Variants in DNAAF9 observed in about 807,000 individuals in gnomAD.
The protein encoded by DNAAF9 is dynein axonemal assembly factor 9.
In DNAAF9, 90 loss-of-function variants were observed where a neutral mutation model predicts 167.0. The ratio of observed to expected loss-of-function variants is 0.54; its 90% CI spans 0.45 to 0.64. The LOEUF (loss-of-function observed/expected upper bound fraction) is 0.64, where lower values mean the gene tolerates loss of function less well. DNAAF9 is among the 30% of genes least tolerant of loss of function. The probability of loss-of-function intolerance (pLI) is 0.00; values close to 1 mark genes in which losing one functional copy is unlikely to be tolerated. For missense variants in DNAAF9, 1,315 were observed against 1,442.2 expected (o/e 0.91, Z 1.43); for synonymous variants, 491 against 508.8 (o/e 0.96, Z 0.47).
intron 29 of DNAAF9, among the ~76,000 whole-genome samples, chr20:3,271,319 G>A (rs1209418435): frequency 6.6e-6 from 1 of 152,086 alleles, no homozygotes; most frequent in Non-Finnish European, 1.5e-5. Context: ...ACTGTGCACA[G>A]GGAGCCACAT....
intron 20 of DNAAF9, among the ~76,000 whole-genome samples, chr20:3,310,249 G>A (rs184531552): frequency 3.5e-5 from 5 of 142,812 alleles, no homozygotes; most frequent in African/African-American, 1.3e-4. Flanking sequence ...GAGAGAAACA[G>A]AGAGAGAGAG....
At chr20:3,264,552 A>G (rs2068452558) in intron 30 of DNAAF9, 28 bp from the exon 31 acceptor site, 1 of 1,065,562 alleles carries the variant, frequency 9.4e-7, no homozygotes, top group Non-Finnish European at 1.5e-6. Flanking sequence ...AAAGACCTAG[A>G]TTAATTAGGA....
At chr20:3,280,841 G>T (rs2295382) in intron 28 of DNAAF9, among the ~76,000 whole-genome samples, 86,584 of 151,452 alleles carry the variant, frequency 0.57, 24,801 homozygotes, top group Admixed American at 0.6. Flanking sequence ...CTTGAACTCC[G>T]GGGCTCAAGC....
At chr20:3,360,645 A>G (rs2083349932) in intron 6 of DNAAF9, among the ~76,000 whole-genome samples, 1 of 152,144 alleles carries the variant, frequency 6.6e-6, no homozygotes, top group Non-Finnish European at 1.5e-5. Flanking sequence ...TTCTTTCTTA[A>G]TCCCTGCTGA....
intron 1 of DNAAF9, among the ~76,000 whole-genome samples, chr20:3,399,176 A>T (rs537032754): frequency 1.3e-5 from 2 of 152,326 alleles, no homozygotes; most frequent in Middle Eastern, 3.4e-3. Context: ...TGGTAAAAAT[A>T]AACAGTTGAC....
At chr20:3,325,065 C>A in intron 13 of DNAAF9, 97 bp from the exon 14 acceptor site, 1 of 775,470 alleles carries the variant, frequency 1.3e-6, no homozygotes. Context: ...TCCAGGATCA[C>A]ACCATGCCCT....
intron 8 of DNAAF9, among the ~76,000 whole-genome samples, chr20:3,344,681 T>C (rs895702173): frequency 1.3e-5 from 2 of 151,854 alleles, no homozygotes; most frequent in African/African-American, 4.8e-5. Context: ...GCAGCTCTGA[T>C]GATTTCCTTA....
intron 25 of DNAAF9, among the ~76,000 whole-genome samples, chr20:3,292,121 C>G (rs1385153311): frequency 1.3e-5 from 2 of 151,994 alleles, no homozygotes; most frequent in East Asian, 3.9e-4. Flanking sequence ...GTCTCAGCCT[C>G]CCGAGTAGCT....
chr20:3,275,171 C>T (rs549579600), intron 29 of DNAAF9, among the ~76,000 whole-genome samples: 3 of 152,310 alleles, frequency 2.0e-5, no homozygotes, highest in South Asian at 4.1e-4. Flanking sequence ...TCTCAGAAGC[C>T]TCAGCACATT....
At chr20:3,330,543 A>G in intron 12 of DNAAF9, 103 bp downstream of exon 12, 2 of 743,060 alleles carry the variant, frequency 2.7e-6, no homozygotes, top group Non-Finnish European at 2.3e-6. Context: ...ACCCAGCAAA[A>G]GCAGATGTCT....
intron 11 of DNAAF9, among the ~76,000 whole-genome samples, chr20:3,331,226 A>T (rs942776471): frequency 6.6e-6 from 1 of 152,102 alleles, no homozygotes; most frequent in Non-Finnish European, 1.5e-5. Context: ...AATACCAGAG[A>T]TGTGTGGAAT....
Position 3,361,945 on chromosome 20 carries a change from G to A in DNAAF9, c.613-2352C>T, listed in dbSNP as rs1402199229. ...TTCATATTTTCTTTAGACATCATTAGGCGCCGAAACTCTTGCAGGACAACT... is the reference window on the plus strand; with the variant it reads ...TTCATATTTTCTTTAGACATCATTAAGCGCCGAAACTCTTGCAGGACAACT... On this transcript the variant is annotated intron_variant, in intron 6 of 36. Coordinates refer to ENST00000252032, the MANE Select transcript of DNAAF9 (RefSeq NM_001009984.3). 2.0e-6 allele frequency: 3 copies of A among 1,527,646 alleles called. No individual in the cohort carries two copies. The African/African-American group carries it at 4.1e-5, about 21-fold the overall frequency. The allele number at this position is 1,527,646 out of a possible 1,614,324, so 94.6% of individuals were successfully genotyped here. A position where few individuals can be genotyped will look rare whatever the true frequency, so the allele number is the denominator to read the frequency against.
intron 26 of DNAAF9, among the ~76,000 whole-genome samples, chr20:3,289,120 GA>G (rs2068903960): frequency 6.6e-6 from 1 of 152,142 alleles, no homozygotes; most frequent in Admixed American, 6.6e-5. Flanking sequence ...AATGAGGTGG[GA>G]GGATCACTTG....
intron 35 of DNAAF9, among the ~76,000 whole-genome samples, chr20:3,254,937 G>C (rs2068253084): frequency 6.6e-6 from 1 of 152,204 alleles, no homozygotes. Context: ...GCAGTTGCTT[G>C]AACAAGGTGC....
At chr20:3,279,679 C>T (rs2068733296) in intron 28 of DNAAF9, among the ~76,000 whole-genome samples, 1 of 152,240 alleles carries the variant, frequency 6.6e-6, no homozygotes, top group Non-Finnish European at 1.5e-5. Context: ...CATGATCTTG[C>T]TCTGTCGTCC....
chr20:3,304,632 A>T lies in DNAAF9; in HGVS notation c.1679-89T>A, dbSNP rs1463922780. 5.7e-6 allele frequency: 4 copies of T among 698,796 alleles called. No homozygotes were observed. In the Admixed American group the frequency reaches 9.8e-5, roughly 17 times the overall value. The allele number at this position is 698,796 out of a possible 1,614,324, so 43.3% of individuals were successfully genotyped here. ...CCTCTTGTACAGCAGTGTGGTAACT[A>T]GAGGCCAGTATCAGTAGCAATTACG... On this transcript the variant is annotated intron_variant, in intron 20 of 36. Coordinates refer to ENST00000252032, the MANE Select transcript of DNAAF9 (RefSeq NM_001009984.3).
intron 21 of DNAAF9, among the ~76,000 whole-genome samples, chr20:3,302,617 C>T (rs1401910573): frequency 6.6e-6 from 1 of 152,184 alleles, no homozygotes; most frequent in Admixed American, 6.6e-5. Flanking sequence ...AAAGAGAACA[C>T]AGCTATTTAC....
At chr20:3,371,121 T>G (rs1209537769) in intron 6 of DNAAF9, among the ~76,000 whole-genome samples, 1 of 152,118 alleles carries the variant, frequency 6.6e-6, no homozygotes, top group East Asian at 1.9e-4. Flanking sequence ...GTCAACTGAT[T>G]AGATTTTTTA....
intron 8 of DNAAF9, among the ~76,000 whole-genome samples, chr20:3,344,421 C>G (rs2070150406): frequency 6.6e-6 from 1 of 151,992 alleles, no homozygotes; most frequent in African/African-American, 2.4e-5. Flanking sequence ...TAAAAACCAC[C>G]TATAATGTCT....
Sources: gnomAD v4.1 joint callset for allele counts (sites outside exome capture counted in the v4.1 genomes callset) on GRCh38, gnomAD v4.1.1 for gene constraint, MANE v1.5 for transcripts, NCBI Gene and HGNC (gene_info 2026-07-23, HGNC 2026-07-21) for gene names.